HIF1A: variants seen among roughly 807,000 people sequenced by gnomAD.
HIF1A encodes hypoxia-inducible factor 1-alpha.
Under a neutral mutation model 92.7 loss-of-function variants are expected in HIF1A, and 24 were observed. The ratio of observed to expected loss-of-function variants is 0.26; its 90% CI spans 0.19 to 0.36. The LOEUF (loss-of-function observed/expected upper bound fraction) is 0.36, where lower values mean the gene tolerates loss of function less well. Ranked by LOEUF, HIF1A falls within the 10% of genes least tolerant of loss-of-function variation. The probability of loss-of-function intolerance (pLI) is 1.00; values close to 1 mark genes in which losing one functional copy is unlikely to be tolerated. For synonymous variants in HIF1A, 319 were observed against 338.7 expected, an observed-to-expected ratio of 0.94 and a Z score of 0.64; for missense variants, 799 against 998.5, an observed-to-expected ratio of 0.80 and a Z score of 2.69.
chr14:61,724,177 A>G (rs1272127718), intron 4 of HIF1A, among the ~76,000 whole-genome samples: 1 of 148,376 alleles, frequency 6.7e-6, no homozygotes, highest in African/African-American at 2.5e-5. Context: ...AGTTACCTTG[A>G]TTTTTAAATT....
chr14:61,745,885 C>G, intron 14 of HIF1A, 68 bp downstream of exon 14: 1 of 1,354,970 alleles, frequency 7.4e-7, no homozygotes, highest in African/African-American at 1.5e-5. Flanking sequence ...TATTTAGGAG[C>G]TTTAATCTAA....
intron 12 of HIF1A, 66 bp downstream of exon 12, chr14:61,741,254 A>G: frequency 8.6e-7 from 1 of 1,158,890 alleles, no homozygotes. Flanking sequence ...ATGTGATAGT[A>G]CATGATTTTT....
intron 1 of HIF1A, among the ~76,000 whole-genome samples, chr14:61,699,276 T>C (rs939859466): frequency 2.6e-5 from 4 of 152,190 alleles, no homozygotes; most frequent in Non-Finnish European, 5.9e-5. Context: ...CAGAGCACCT[T>C]GTGCAGTTTG....
chr14:61,720,770 AATAATC>A (rs1210344739), intron 2 of HIF1A, among the ~76,000 whole-genome samples, 198 bp downstream of exon 2: 3 of 152,132 alleles, frequency 2.0e-5, no homozygotes, highest in African/African-American at 7.2e-5. Flanking sequence ...TATTCTTTGA[AATAATC>A]ATTCTTTATG....
chr14:61,736,509 A>T (rs143521157), intron 8 of HIF1A, among the ~76,000 whole-genome samples: 1 of 152,118 alleles, frequency 6.6e-6, no homozygotes, highest in Non-Finnish European at 1.5e-5. Context: ...CTCAGTGTCT[A>T]TTGATGCCAT....
At chr14:61,739,642 C>T (rs941993909) in intron 10 of HIF1A, among the ~76,000 whole-genome samples, 6 of 152,012 alleles carry the variant, frequency 3.9e-5, no homozygotes, top group African/African-American at 7.2e-5. Flanking sequence ...CTAACAAAAA[C>T]GTTAGAATGA....
chr14:61,695,635 C>T lies in HIF1A; in HGVS notation c.-170C>T, dbSNP rs2044103543. The T allele has an allele frequency of 4.3e-6, 3 of 703,528 alleles. No individual in the cohort carries two copies. The highest frequency in any genetic ancestry group is 2.9e-5 in the Admixed American group (1 of 34,616). 43.6% of individuals were successfully genotyped at this position (703,528 alleles called of 1,614,324 possible). ...GAGGCTCGGAGCCGGGCCCGGACCC[C>T]GGCGATTGCCGCCCGCTTCTCTCTA... On this transcript the variant is annotated 5_prime_UTR_variant, in exon 1 of 15. Coordinates refer to ENST00000337138, the MANE Select transcript of HIF1A (RefSeq NM_001530.4).
intron 1 of HIF1A, 45 bp downstream of exon 1, chr14:61,695,884 C>G (rs1199996452): frequency 6.5e-7 from 1 of 1,538,716 alleles, no homozygotes; most frequent in Non-Finnish European, 8.8e-7. Context: ...CCGGCGACCC[C>G]GCCCGCCTGC....
chr14:61,747,144 CTATTTA>C lies in HIF1A; in HGVS notation c.*65_*70del. 7.0e-7 allele frequency: 1 copy of C among 1,427,786 alleles called. No homozygotes were observed. Among genetic ancestry groups the C allele is most frequent in the African/African-American group, 1.4e-5 (1 of 69,840 alleles). 88.4% of individuals were successfully genotyped at this position (1,427,786 alleles called of 1,614,324 possible). A position where few individuals can be genotyped will look rare whatever the true frequency, so the allele number is the denominator to read the frequency against. ...CTGGTGGCTCATTACCTAAAGCAGT[CTATTTA>C]TATTTTCTACATCTAATTTTAGAAG... On this transcript the variant is annotated 3_prime_UTR_variant, in exon 15 of 15. Transcript: ENST00000337138.
rs575981870 is a variant in HIF1A, at chr14:61,732,364, T to C, written c.774-54T>C. 3.4e-6 allele frequency: 4 copies of C among 1,169,944 alleles called. No individual in the cohort carries two copies. The African/African-American group carries it at 6.1e-5, about 18-fold the overall frequency. 72.5% of individuals were successfully genotyped at this position (1,169,944 alleles called of 1,614,324 possible). A position where few individuals can be genotyped will look rare whatever the true frequency, so the allele number is the denominator to read the frequency against. ...AGTTAACTTGGGAGGAGAAAAATTT[T>C]TCTTTATCAGTGTCTCCCTTTTTTT... On this transcript the variant is annotated intron_variant, in intron 6 of 14. Transcript: ENST00000337138.
chr14:61,746,760 A>G (rs148856913), intron 14 of HIF1A, among the ~76,000 whole-genome samples, 174 bp from the exon 15 acceptor site: 251 of 152,328 alleles, frequency 1.6e-3, no homozygotes, highest in African/African-American at 5.8e-3. Flanking sequence ...CTGACACAGC[A>G]ACAGTATCAC....
At chr14:61,700,828 T>C (rs6573397) in intron 1 of HIF1A, among the ~76,000 whole-genome samples, 144,120 of 152,290 alleles carry the variant, frequency 0.95, 68,625 homozygotes, top group Non-Finnish European at 1. Context: ...TTCTCTTTCT[T>C]TCTTAGCCAT....
chr14:61,724,477 C>T (rs1029196993), intron 4 of HIF1A, among the ~76,000 whole-genome samples: 1 of 151,292 alleles, frequency 6.6e-6, no homozygotes, highest in Non-Finnish European at 1.5e-5. Context: ...GGCAAATTCA[C>T]TTCTTAATCT....
chr14:61,735,333 C>A (rs536620717), intron 8 of HIF1A, among the ~76,000 whole-genome samples: 1 of 152,108 alleles, frequency 6.6e-6, no homozygotes, highest in Non-Finnish European at 1.5e-5. Flanking sequence ...ATTTTTGCTA[C>A]TTCTGACACC....
chr14:61,704,678 TTTAAG>T (rs1396371220), intron 1 of HIF1A, among the ~76,000 whole-genome samples: 2 of 152,214 alleles, frequency 1.3e-5, no homozygotes, highest in African/African-American at 4.8e-5. Context: ...TCTTGAATAA[TTTAAG>T]TTGACTTATT....
chr14:61,734,404 T>C, intron 8 of HIF1A, 119 bp downstream of exon 8: 1 of 675,782 alleles, frequency 1.5e-6, no homozygotes, highest in Non-Finnish European at 2.4e-6. Flanking sequence ...TTCTTTTACA[T>C]CGCTACCAAA....
chr14:61,729,394 G>A (rs186988446), intron 6 of HIF1A, among the ~76,000 whole-genome samples: 6 of 151,844 alleles, frequency 4.0e-5, no homozygotes, highest in African/African-American at 1.2e-4. Flanking sequence ...TCCAGGAGGC[G>A]GAGGTTGCAG....
At chr14:61,731,779 C>T (rs2044578588) in intron 6 of HIF1A, among the ~76,000 whole-genome samples, 1 of 152,158 alleles carries the variant, frequency 6.6e-6, no homozygotes, top group Non-Finnish European at 1.5e-5. Flanking sequence ...AGTAGTATTT[C>T]TTATCTGTTT....
intron 1 of HIF1A, among the ~76,000 whole-genome samples, chr14:61,703,876 T>A (rs915277717): frequency 6.6e-6 from 1 of 152,212 alleles, no homozygotes; most frequent in African/African-American, 2.4e-5. Context: ...TATAGTTTTC[T>A]ACCAAGTGTA....
Sources: gnomAD v4.1 joint callset for allele counts (sites outside exome capture counted in the v4.1 genomes callset) on GRCh38, gnomAD v4.1.1 for gene constraint, MANE v1.5 for transcripts, NCBI Gene and HGNC (gene_info 2026-07-23, HGNC 2026-07-21) for gene names.